Variants in TRPC5 observed in about 807,000 individuals in gnomAD.
The protein encoded by TRPC5 is short transient receptor potential channel 5.
A neutral mutation model predicts 56.5 loss-of-function variants in TRPC5; 9 were observed. The observed-to-expected ratio is 0.16, with a 90% CI of 0.10 to 0.28. TRPC5 has a LOEUF of 0.28. Among genes scored for constraint, TRPC5 ranks in the 10% least tolerant of loss-of-function variants. The pLI is 1.00. For missense variants in TRPC5, 469 were observed against 748.9 expected (o/e 0.63, Z 4.36); for synonymous variants, 282 against 278.5 (o/e 1.01, Z -0.13).
intron 7 of TRPC5, among the ~76,000 whole-genome samples, chrX:111,829,950 C>T (rs1467596591): frequency 8.9e-6 from 1 of 112,642 alleles, no homozygotes; most frequent in East Asian, 2.8e-4. Context: ...ATGGTAAATC[C>T]ACTGACAGCT....
At chrX:111,929,797 T>C (rs191530186) in intron 2 of TRPC5, among the ~76,000 whole-genome samples, 45 of 112,508 alleles carry the variant, frequency 4.0e-4, no homozygotes, top group African/African-American at 1.3e-3. Context: ...CGTTAAGCTA[T>C]AGAGAGATTG....
At chrX:112,019,453 T>TGGGGG (rs1569529660) in intron 1 of TRPC5, among the ~76,000 whole-genome samples, 4 of 110,414 alleles carry the variant, frequency 3.6e-5, no homozygotes, top group African/African-American at 1.3e-4. Flanking sequence ...TTTTTTTTTT[T>TGGGGG]GGGATGGAAT....
chrX:111,951,834 T>C (rs767271512), intron 2 of TRPC5, among the ~76,000 whole-genome samples: 14 of 111,780 alleles, frequency 1.3e-4, no homozygotes, highest in Non-Finnish European at 2.3e-4. Context: ...TGAATGTATA[T>C]GGGCAAACAC....
chrX:111,897,495 C>T (rs1208799282), intron 3 of TRPC5, among the ~76,000 whole-genome samples: 1 of 111,246 alleles, frequency 9.0e-6, no homozygotes. Context: ...TAAACATGAT[C>T]ATTACCATCA....
rs776381214 is a variant in TRPC5, at chrX:111,980,900, A to T, written c.-21-28459T>A. 7.1e-5 allele frequency among the ~76,000 whole-genome samples: 7 copies of T among 98,796 alleles called. No homozygotes were observed. In the South Asian group the frequency reaches 2.9e-3, roughly 41 times the overall value. The allele number at this position is 98,796 out of a possible 115,157, so 85.8% of individuals were successfully genotyped here. On this transcript the variant is annotated intron_variant, in intron 1 of 10. Coordinates refer to ENST00000262839, the MANE Select transcript of TRPC5 (RefSeq NM_012471.3). ...AAGACTGTGACTAATATATATATATATTATATATATGTATATATATATATA... is the reference window on the plus strand; with the variant it reads ...AAGACTGTGACTAATATATATATATTTTATATATATGTATATATATATATA...
At chrX:111,987,128 C>G (rs1281147769) in intron 1 of TRPC5, among the ~76,000 whole-genome samples, 1 of 111,609 alleles carries the variant, frequency 9.0e-6, no homozygotes, top group African/African-American at 3.3e-5. Flanking sequence ...TGATATTTTG[C>G]TTTTATCTAT....
At chrX:111,898,557 C>T (rs780563232) in intron 3 of TRPC5, among the ~76,000 whole-genome samples, 2 of 109,645 alleles carry the variant, frequency 1.8e-5, no homozygotes, top group South Asian at 7.9e-4. Flanking sequence ...TTCAAAGACA[C>T]TTACTGATTA....
intron 1 of TRPC5, among the ~76,000 whole-genome samples, chrX:112,070,336 G>A (rs10521541): frequency 0.031 from 3,412 of 111,068 alleles, 107 homozygotes; most frequent in African/African-American, 0.091. Flanking sequence ...GCAGATTGAC[G>A]CCGCCAAGTT....
intron 1 of TRPC5, among the ~76,000 whole-genome samples, chrX:112,052,304 T>A (rs965454321): frequency 4.5e-5 from 5 of 111,441 alleles, no homozygotes; most frequent in East Asian, 2.8e-4. Context: ...TGTTTTTTTT[T>A]AAATTAGCCT....
chrX:111,771,969 G>A lies in TRPC5; in HGVS notation c.*4344C>T, dbSNP rs1040264422. 2.7e-5 allele frequency among the ~76,000 whole-genome samples: 3 copies of A among 110,961 alleles called. No homozygotes were observed. The highest frequency in any genetic ancestry group is 9.8e-5 in the African/African-American group (3 of 30,493). On this transcript the variant is annotated 3_prime_UTR_variant, in exon 11 of 11. Coordinates refer to ENST00000262839, the MANE Select transcript of TRPC5 (RefSeq NM_012471.3). ...TACCTAAAGGGATAAAGGGCCAAGG[G>A]CAGAACCATCAAATGCTGTTAAGTT...
At chrX:111,884,496 C>G (rs1393029549) in intron 3 of TRPC5, among the ~76,000 whole-genome samples, 1 of 112,786 alleles carries the variant, frequency 8.9e-6, no homozygotes. Flanking sequence ...CCAGTTTAAA[C>G]CTAGCCATCC....
chrX:111,832,030 A>C (rs1922423710), intron 7 of TRPC5, among the ~76,000 whole-genome samples: 1 of 111,565 alleles, frequency 9.0e-6, no homozygotes, highest in Admixed American at 9.6e-5. Flanking sequence ...AGATTGAGGG[A>C]GATATAAGAA....
At chrX:112,003,680 C>T in intron 1 of TRPC5, among the ~76,000 whole-genome samples, 1 of 111,183 alleles carries the variant, frequency 9.0e-6, no homozygotes, top group Non-Finnish European at 1.9e-5. Flanking sequence ...CAAAATGTCC[C>T]CAAACTTCCA....
intron 6 of TRPC5, 114 bp downstream of exon 6, chrX:111,847,000 T>C (rs1922947357): frequency 3.6e-6 from 3 of 832,076 alleles, no homozygotes; most frequent in East Asian, 3.2e-5. Context: ...AGCACTGCCT[T>C]CACAGTCAAG....
intron 2 of TRPC5, among the ~76,000 whole-genome samples, chrX:111,914,938 T>C (rs777875867): frequency 2.7e-5 from 3 of 111,372 alleles, no homozygotes; most frequent in Non-Finnish European, 5.7e-5. Flanking sequence ...TCCTCATCTC[T>C]GTCAGGGTCT....
At chrX:112,030,763 T>C (rs765206975) in intron 1 of TRPC5, among the ~76,000 whole-genome samples, 1 of 111,991 alleles carries the variant, frequency 8.9e-6, no homozygotes, top group Non-Finnish European at 1.9e-5. Flanking sequence ...CCTACTATAC[T>C]TCATCATCAA....
chrX:111,787,679 G>A (rs1362096810), intron 7 of TRPC5, among the ~76,000 whole-genome samples: 1 of 109,780 alleles, frequency 9.1e-6, no homozygotes, highest in Non-Finnish European at 1.9e-5. Context: ...GACTAATAAA[G>A]AAGAAAAGAG....
chrX:111,935,710 C>T (rs1295270633), intron 2 of TRPC5, among the ~76,000 whole-genome samples: 2 of 111,999 alleles, frequency 1.8e-5, no homozygotes. Flanking sequence ...ATCTCAGTGC[C>T]ATTTATTGAA....
intron 7 of TRPC5, among the ~76,000 whole-genome samples, chrX:111,824,743 A>T (rs749636739): frequency 2.7e-5 from 3 of 111,770 alleles, no homozygotes; most frequent in African/African-American, 9.8e-5. Context: ...CAGTTCCTAA[A>T]GATGCGACTA....
Sources: gnomAD v4.1 joint callset for allele counts (sites outside exome capture counted in the v4.1 genomes callset) on GRCh38, gnomAD v4.1.1 for gene constraint, MANE v1.5 for transcripts, NCBI Gene and HGNC (gene_info 2026-07-23, HGNC 2026-07-21) for gene names.